The following RERE variants were observed in gnomAD, a reference collection of about 807,000 sequenced individuals.
The protein encoded by RERE is arginine-glutamic acid dipeptide repeats.
RERE carries 40 observed loss-of-function variants against 146.1 expected under a neutral mutation model. The ratio of observed to expected loss-of-function variants is 0.27; its 90% CI spans 0.21 to 0.36. RERE has a LOEUF of 0.36. RERE is among the 10% of genes least tolerant of loss of function. The pLI is 1.00. For missense variants in RERE, 1,933 were observed against 2,138.7 expected, an observed-to-expected ratio of 0.90 and a Z score of 1.90; for synonymous variants, 1,003 against 866.0, an observed-to-expected ratio of 1.16 and a Z score of -2.78.
Position 8,364,103 on chromosome 1 carries a change from C to T in RERE, c.1693G>A (p.Gly565Arg). 13 of 1,614,224 alleles carry T rather than the reference C, an allele frequency of 8.1e-6. No homozygotes were observed. The highest frequency in any genetic ancestry group is 1.1e-5 in the Non-Finnish European group (13 of 1,180,046). The change falls in exon 15 of 23, where the codon GGG (glycine) becomes AGG (arginine). Residue 565 changes from glycine to arginine, a missense_variant. Gly to Arg is a moderately radical substitution (Grantham distance 125). This residue lies in a region of RERE where 1,255 missense variants were observed against 1,153.8 expected (regional missense o/e 1.09). Coordinates refer to ENST00000400908, the MANE Select transcript of RERE (RefSeq NM_001042681.2). This position sits in a 1 kb window ranked among gnomAD's most constrained non-coding sequence, Gnocchi z 5.1. ...CTCATGCTATGCTTCCCACTGAGCC[C>T]ATCATCCTCTTCCTTGACGGGTTTG... is the stretch of plus-strand genomic sequence containing the variant. Reference protein sequence around the residue: ...MFKPVKEEDDGLSGKHSMRTR... With the variant: ...MFKPVKEEDDRLSGKHSMRTR...
chr1:8,531,012 TCTA>T (rs1557675015), intron 7 of RERE, among the ~76,000 whole-genome samples: 378 of 26,492 alleles, frequency 0.014, 2 homozygotes, highest in South Asian at 0.029. Context: ...GAGTTTTCTA[TCTA>T]TCTATCTATC....
chr1:8,586,337 G>A (rs940001786), intron 4 of RERE, among the ~76,000 whole-genome samples: 2 of 152,174 alleles, frequency 1.3e-5, no homozygotes, highest in Non-Finnish European at 2.9e-5. Flanking sequence ...AGGGAAAGAA[G>A]GAATTGTCAT....
chr1:8,610,181 G>A (rs1263963646), intron 4 of RERE, among the ~76,000 whole-genome samples: 2 of 152,182 alleles, frequency 1.3e-5, no homozygotes, highest in African/African-American at 4.8e-5. Context: ...TAGTCAAAAA[G>A]TAAAGATCCT....
intron 6 of RERE, among the ~76,000 whole-genome samples, chr1:8,543,951 C>A (rs1040805028): frequency 2.0e-5 from 3 of 152,106 alleles, no homozygotes; most frequent in South Asian, 2.1e-4. Flanking sequence ...ACTTTTTTAT[C>A]CTTTCTTATG....
At chr1:8,465,884 C>CA (rs767767350) in intron 11 of RERE, 41 bp downstream of exon 11, 32 of 1,558,186 alleles carry the variant, frequency 2.1e-5, no homozygotes, top group Admixed American at 1.0e-4. Flanking sequence ...GCCGGTGGCC[C>CA]GATGCCCCAG....
At chr1:8,385,502 C>T (rs1642605341) in intron 12 of RERE, among the ~76,000 whole-genome samples, 1 of 152,088 alleles carries the variant, frequency 6.6e-6, no homozygotes. Flanking sequence ...TTAAATCCTG[C>T]CTTACATTAA....
chr1:8,471,503 G>A (rs974219245), intron 10 of RERE, among the ~76,000 whole-genome samples: 9 of 146,738 alleles, frequency 6.1e-5, no homozygotes, highest in African/African-American at 2.3e-4. Flanking sequence ...GTTTTGCCAT[G>A]CTGCCCGGGG....
At chr1:8,426,631 C>T (rs1001737166) in intron 11 of RERE, among the ~76,000 whole-genome samples, 1 of 152,090 alleles carries the variant, frequency 6.6e-6, no homozygotes, top group African/African-American at 2.4e-5. Context: ...ATCCTGAGTC[C>T]CACTTTATCT....
At chr1:8,495,439 C>T (rs971985827) in intron 9 of RERE, among the ~76,000 whole-genome samples, 3 of 152,096 alleles carry the variant, frequency 2.0e-5, no homozygotes, top group African/African-American at 4.8e-5. Flanking sequence ...CTCGGCCTCC[C>T]GAGTAGCTGA....
chr1:8,700,077 C>A (rs1446310592), intron 1 of RERE, among the ~76,000 whole-genome samples: 1 of 152,106 alleles, frequency 6.6e-6, no homozygotes, highest in African/African-American at 2.4e-5. Context: ...GAGGCCGAGG[C>A]GAGTGGATCA....
chr1:8,661,541 G>C (rs571022936), intron 1 of RERE, among the ~76,000 whole-genome samples: 1 of 152,176 alleles, frequency 6.6e-6, no homozygotes, highest in Non-Finnish European at 1.5e-5. Context: ...CGATCACCCC[G>C]GGAAGACAAG....
intron 1 of RERE, among the ~76,000 whole-genome samples, chr1:8,687,827 AATTATAT>A (rs146584368): frequency 1.5e-3 from 232 of 152,372 alleles, no homozygotes; most frequent in African/African-American, 5.3e-3. Context: ...GCCTTAAGCC[AATTATAT>A]ATTGCAAAGT....
chr1:8,651,059 T>C (rs1165442471), intron 2 of RERE, among the ~76,000 whole-genome samples: 1 of 151,768 alleles, frequency 6.6e-6, no homozygotes. Context: ...ATCTCACAAC[T>C]GCATCAAGCC....
chr1:8,480,768 G>GT (rs1003911133), intron 10 of RERE, among the ~76,000 whole-genome samples: 9 of 152,136 alleles, frequency 5.9e-5, no homozygotes, highest in South Asian at 2.1e-4. Context: ...AAGGCTAAAG[G>GT]TTTTTTTATC....
intron 4 of RERE, among the ~76,000 whole-genome samples, chr1:8,591,018 C>T (rs1036135314): frequency 6.6e-6 from 1 of 152,206 alleles, no homozygotes; most frequent in Non-Finnish European, 1.5e-5. Flanking sequence ...TTGGCTATAT[C>T]AGATGTTAAG....
intron 12 of RERE, among the ~76,000 whole-genome samples, chr1:8,407,326 A>G (rs1463705694): frequency 6.6e-6 from 1 of 152,224 alleles, no homozygotes; most frequent in East Asian, 1.9e-4. Flanking sequence ...CCGATGAAAC[A>G]GAAGCTTCCA....
At chr1:8,391,383 G>A (rs1302849304) in intron 12 of RERE, among the ~76,000 whole-genome samples, 1 of 152,168 alleles carries the variant, frequency 6.6e-6, no homozygotes, top group Non-Finnish European at 1.5e-5. Context: ...CTGCCATGGA[G>A]CACACAAGGT....
chr1:8,485,988 C>T (rs1480151108), intron 10 of RERE, among the ~76,000 whole-genome samples: 3 of 151,980 alleles, frequency 2.0e-5, no homozygotes, highest in East Asian at 1.9e-4. Flanking sequence ...TTAGTAGAGA[C>T]GGGGTTTCAC....
chr1:8,481,992 G>A (rs2124183816), intron 10 of RERE, among the ~76,000 whole-genome samples: 1 of 152,260 alleles, frequency 6.6e-6, no homozygotes, highest in South Asian at 2.1e-4. Flanking sequence ...AGCAGACCAG[G>A]AGGATAAATA....
Sources: allele counts gnomAD v4.1 joint callset (sites outside exome capture counted in the v4.1 genomes callset), GRCh38; gene constraint gnomAD v4.1.1; regional missense constraint gnomAD v4.1.1; non-coding constraint Gnocchi (gnomAD v3.1); transcripts MANE v1.5; gene names NCBI Gene and HGNC (gene_info 2026-07-23, HGNC 2026-07-21).